KSR2: variants seen among roughly 807,000 people sequenced by gnomAD.
The protein encoded by KSR2 is kinase suppressor of ras 2.
A neutral mutation model predicts 107.8 loss-of-function variants in KSR2; 25 were observed. That is an observed-to-expected ratio of 0.23 (90% CI 0.17 to 0.32). The LOEUF (loss-of-function observed/expected upper bound fraction) is 0.32, where lower values mean the gene tolerates loss of function less well. Ranked by LOEUF, KSR2 falls within the 10% of genes least tolerant of loss-of-function variation. KSR2 has a pLI of 1.00. For missense variants in KSR2, 887 were observed against 1,268.9 expected (o/e 0.70, Z 4.57); for synonymous variants, 480 against 507.0 (o/e 0.95, Z 0.71).
At chr12:117,804,995 C>T (rs1335643617) in intron 3 of KSR2, among the ~76,000 whole-genome samples, 1 of 152,154 alleles carries the variant, frequency 6.6e-6, no homozygotes, top group Non-Finnish European at 1.5e-5. Flanking sequence ...CATGAAAGAA[C>T]TCCTGGGCTC....
intron 4 of KSR2, among the ~76,000 whole-genome samples, chr12:117,667,900 C>CT (rs1884735254): frequency 6.6e-6 from 1 of 152,120 alleles, no homozygotes; most frequent in African/African-American, 2.4e-5. Context: ...TTCAGCCATT[C>CT]TTTTTTGCCC....
chr12:117,889,206 T>A (rs1052804271), intron 1 of KSR2, among the ~76,000 whole-genome samples: 1 of 152,058 alleles, frequency 6.6e-6, no homozygotes, highest in Non-Finnish European at 1.5e-5. Context: ...TCAGGCCACA[T>A]GTAGAAGGAA....
At chr12:117,532,942 A>G (rs1225879977) in intron 10 of KSR2, among the ~76,000 whole-genome samples, 2 of 152,238 alleles carry the variant, frequency 1.3e-5, no homozygotes, top group African/African-American at 4.8e-5. Flanking sequence ...ATATTAGCAC[A>G]GTAGCTCAGA....
At position 117,465,532 on chromosome 12, in the gene KSR2, C is replaced by T. The variant is rs1055737659; in HGVS notation, c.*1667G>A. 1 of 152,184 alleles carries T rather than the reference C, an allele frequency of 6.6e-6. No homozygotes were observed. The highest frequency in any genetic ancestry group is 6.5e-5 in the Admixed American group (1 of 15,280). 9.4% of individuals were successfully genotyped at this position (152,184 alleles called of 1,614,324 possible). On this transcript the variant is annotated 3_prime_UTR_variant, in exon 20 of 20. Transcript: ENST00000339824. ...CCCGGTTTGGAAGCAGGTTTGGCCC[C>T]CAGAGCATGAACCAGTCTGGGAGTC...
chr12:117,822,451 G>A lies in KSR2; in HGVS notation c.472+32977C>T, dbSNP rs138150851. On this transcript the variant is annotated intron_variant, in intron 3 of 19. Coordinates refer to ENST00000339824, the MANE Select transcript of KSR2 (RefSeq NM_173598.6). ...GCTCCTCAGCCTACAAAGGGGTTAC[G>A]TCCAGAAAAACAAATCATAAGTTGA... Among the ~76,000 whole-genome samples the A allele has an allele frequency of 4.2e-3, 642 of 152,172 alleles. 5 individuals carry two copies. Among genetic ancestry groups the A allele is most frequent in the African/African-American group, 0.014 (594 of 41,488 alleles).
intron 4 of KSR2, among the ~76,000 whole-genome samples, chr12:117,747,700 A>C (rs1325116141): frequency 6.6e-6 from 1 of 152,190 alleles, no homozygotes; most frequent in Non-Finnish European, 1.5e-5. Context: ...TTTATGAAAA[A>C]ATACTCAACA....
intron 1 of KSR2, among the ~76,000 whole-genome samples, chr12:117,933,122 AGG>A (rs1895739903): frequency 1.3e-5 from 2 of 152,190 alleles, no homozygotes; most frequent in African/African-American, 4.8e-5. Context: ...AGTGGCTGTC[AGG>A]GGTTAGTAAT....
At chr12:117,963,561 C>T (rs1344244389) in intron 1 of KSR2, among the ~76,000 whole-genome samples, 1 of 152,096 alleles carries the variant, frequency 6.6e-6, no homozygotes, top group Non-Finnish European at 1.5e-5. Flanking sequence ...CATGATCGTG[C>T]CACTGCACTC....
intron 4 of KSR2, among the ~76,000 whole-genome samples, chr12:117,733,854 C>T (rs1565985926): frequency 1.3e-5 from 2 of 152,176 alleles, no homozygotes; most frequent in Non-Finnish European, 2.9e-5. Context: ...AGACCCTGAA[C>T]CCCTCATAGG....
chr12:117,623,329 CCATCAACT>C (rs1882293924), intron 5 of KSR2, among the ~76,000 whole-genome samples: 1 of 151,976 alleles, frequency 6.6e-6, no homozygotes, highest in Non-Finnish European at 1.5e-5. Flanking sequence ...TTTGCTGCAC[CCATCAACT>C]CATCATTTAC....
At chr12:117,491,789 C>T (rs1872757588) in intron 14 of KSR2, among the ~76,000 whole-genome samples, 1 of 152,162 alleles carries the variant, frequency 6.6e-6, no homozygotes, top group South Asian at 2.1e-4. Flanking sequence ...ATGCAGGCCA[C>T]CTGGATCTGG....
intron 4 of KSR2, among the ~76,000 whole-genome samples, chr12:117,710,280 C>T (rs537322655): frequency 6.6e-5 from 10 of 152,142 alleles, no homozygotes; most frequent in South Asian, 2.1e-4. Flanking sequence ...TAGAAGGCCT[C>T]GAGGGCATCT....
chr12:117,578,601 CAAAAAAA>C (rs66919524), intron 7 of KSR2, among the ~76,000 whole-genome samples: 3 of 103,978 alleles, frequency 2.9e-5, no homozygotes, highest in East Asian at 2.8e-4. Context: ...GACTCCATCT[CAAAAAAA>C]AAAAAAAAAA....
At chr12:117,818,819 A>T (rs569142367) in intron 3 of KSR2, among the ~76,000 whole-genome samples, 19 of 152,180 alleles carry the variant, frequency 1.2e-4, no homozygotes, top group African/African-American at 4.3e-4. Context: ...CAGGCAGGAG[A>T]TGAAGAATCT....
At chr12:117,548,982 A>G (rs1489234441) in intron 9 of KSR2, among the ~76,000 whole-genome samples, 4 of 152,210 alleles carry the variant, frequency 2.6e-5, no homozygotes, top group African/African-American at 9.6e-5. Context: ...GAGCCCCAGT[A>G]GAAGGCAGGG....
chr12:117,737,837 G>A (rs1888003538), intron 4 of KSR2, among the ~76,000 whole-genome samples: 2 of 133,244 alleles, frequency 1.5e-5, no homozygotes, highest in South Asian at 5.5e-4. Flanking sequence ...CTTAAGCAAC[G>A]AACACATCTG....
intron 3 of KSR2, among the ~76,000 whole-genome samples, chr12:117,777,856 A>G (rs1194208653): frequency 1.3e-5 from 2 of 151,726 alleles, no homozygotes; most frequent in African/African-American, 4.8e-5. Flanking sequence ...CACAGCAAAA[A>G]CCCCATCTCT....
At chr12:117,630,849 C>T (rs1216827785) in intron 5 of KSR2, among the ~76,000 whole-genome samples, 3 of 152,064 alleles carry the variant, frequency 2.0e-5, no homozygotes, top group African/African-American at 7.2e-5. Flanking sequence ...ACCGGGGTTA[C>T]ATCTTCTGCA....
chr12:117,786,247 C>T (rs118112402), intron 3 of KSR2, among the ~76,000 whole-genome samples: 8 of 152,208 alleles, frequency 5.3e-5, no homozygotes, highest in Non-Finnish European at 8.8e-5. Context: ...TCGTATTTTC[C>T]ACTTTTTACT....
Sources: gnomAD v4.1 joint callset for allele counts (sites outside exome capture counted in the v4.1 genomes callset) on GRCh38, gnomAD v4.1.1 for gene constraint, MANE v1.5 for transcripts, NCBI Gene and HGNC (gene_info 2026-07-23, HGNC 2026-07-21) for gene names.